Variants in PTPRD observed in about 807,000 individuals in gnomAD.
PTPRD encodes receptor-type tyrosine-protein phosphatase delta.
PTPRD carries 34 observed loss-of-function variants against 214.5 expected under a neutral mutation model. The observed-to-expected ratio is 0.16, with a 90% CI of 0.12 to 0.21. PTPRD has a LOEUF of 0.21. Ranked by LOEUF, PTPRD falls within the 10% of genes least tolerant of loss-of-function variation. PTPRD has a pLI of 1.00. For missense variants in PTPRD, 2,545 were observed against 2,398.7 expected (o/e 1.06, Z -1.27); for synonymous variants, 1,128 against 845.7 (o/e 1.33, Z -5.79).
intron 5 of PTPRD, among the ~76,000 whole-genome samples, chr9:9,791,292 G>A (rs1443731691): frequency 6.6e-6 from 1 of 152,012 alleles, no homozygotes; most frequent in East Asian, 1.9e-4. Context: ...TTTGTTAACT[G>A]CACACGTTTG....
At chr9:10,071,479 G>A (rs1041027764) in intron 3 of PTPRD, among the ~76,000 whole-genome samples, 1 of 151,958 alleles carries the variant, frequency 6.6e-6, no homozygotes, top group Non-Finnish European at 1.5e-5. Context: ...CACAAATATA[G>A]TCAACCCATC....
chr9:10,037,284 G>T (rs1052296370), intron 3 of PTPRD, among the ~76,000 whole-genome samples: 1 of 152,072 alleles, frequency 6.6e-6, no homozygotes, highest in African/African-American at 2.4e-5. Flanking sequence ...GGGCCTGGTG[G>T]GAGGTGATTG....
chr9:8,818,912 G>A (rs1046887125), intron 11 of PTPRD, among the ~76,000 whole-genome samples: 27 of 152,024 alleles, frequency 1.8e-4, no homozygotes, highest in African/African-American at 4.8e-4. Flanking sequence ...AGAGTTCCCC[G>A]GTAACATTTG....
At chr9:10,174,824 T>G (rs1257365251) in intron 3 of PTPRD, among the ~76,000 whole-genome samples, 2 of 152,090 alleles carry the variant, frequency 1.3e-5, no homozygotes, top group Non-Finnish European at 1.5e-5. Flanking sequence ...TAAATTAAAC[T>G]CTATGCTTAA....
intron 22 of PTPRD, among the ~76,000 whole-genome samples, chr9:8,505,121 C>T (rs1025156921): frequency 1.3e-5 from 2 of 152,136 alleles, no homozygotes. Context: ...TTTTGATATA[C>T]GATTTCGTTA....
At chr9:8,320,824 T>C (rs1347786932) in intron 44 of PTPRD, among the ~76,000 whole-genome samples, 2 of 152,130 alleles carry the variant, frequency 1.3e-5, no homozygotes, top group East Asian at 3.9e-4. Context: ...TTCATAGCTC[T>C]TGTGCACTTA....
chr9:9,196,411 C>T (rs2099938661), intron 9 of PTPRD, among the ~76,000 whole-genome samples: 1 of 152,088 alleles, frequency 6.6e-6, no homozygotes, highest in Admixed American at 6.6e-5. Context: ...GTATCTCTGC[C>T]ATGATATACC....
chr9:8,995,035 T>C (rs895698774), intron 11 of PTPRD, among the ~76,000 whole-genome samples: 1 of 151,906 alleles, frequency 6.6e-6, no homozygotes, highest in African/African-American at 2.4e-5. Flanking sequence ...AAAGGAAACA[T>C]AGGAGACATG....
rs559752349 is a variant in PTPRD, at chr9:10,357,901, G to A, written c.-599-16884C>T. Reference sequence around the variant, plus strand: ...TTAAAGAAAAAGAATTATATAAACAGAAATCAGATGGCTATTCCAAGCTAA... The same window carrying A: ...TTAAAGAAAAAGAATTATATAAACAAAAATCAGATGGCTATTCCAAGCTAA... On this transcript the variant is annotated intron_variant, in intron 2 of 45. Coordinates refer to ENST00000381196, the MANE Select transcript of PTPRD (RefSeq NM_002839.4). 3.3e-5 allele frequency among the ~76,000 whole-genome samples: 5 copies of A among 152,194 alleles called. 1 individual carries two copies. In the South Asian group the frequency reaches 8.3e-4, roughly 25 times the overall value.
chr9:10,150,968 T>C (rs1479726192), intron 3 of PTPRD, among the ~76,000 whole-genome samples: 1 of 151,940 alleles, frequency 6.6e-6, no homozygotes, highest in Non-Finnish European at 1.5e-5. Flanking sequence ...CACTCAGCCA[T>C]CAATACTGCA....
intron 4 of PTPRD, among the ~76,000 whole-genome samples, chr9:10,033,188 G>A (rs2097114488): frequency 6.6e-6 from 1 of 151,524 alleles, no homozygotes; most frequent in South Asian, 2.1e-4. Context: ...GAGAGAGTTG[G>A]CAAATGGGGA....
chr9:9,862,345 C>G (rs1043413535), intron 5 of PTPRD, among the ~76,000 whole-genome samples: 1 of 152,200 alleles, frequency 6.6e-6, no homozygotes, highest in Non-Finnish European at 1.5e-5. Context: ...AATGAAAGAT[C>G]TGCCCCATCT....
At chr9:9,900,733 T>A (rs1212886386) in intron 5 of PTPRD, among the ~76,000 whole-genome samples, 1 of 150,788 alleles carries the variant, frequency 6.6e-6, no homozygotes, top group Admixed American at 6.6e-5. Context: ...GCCTCCCAGC[T>A]TCAAGTGATT....
intron 8 of PTPRD, among the ~76,000 whole-genome samples, chr9:9,552,343 T>G (rs1017714584): frequency 6.6e-6 from 1 of 152,036 alleles, no homozygotes; most frequent in Admixed American, 6.6e-5. Context: ...TCGCAGTCAA[T>G]TGCCATTTTC....
At chr9:9,380,044 A>T (rs1330956895) in intron 9 of PTPRD, among the ~76,000 whole-genome samples, 1 of 151,972 alleles carries the variant, frequency 6.6e-6, no homozygotes, top group Non-Finnish European at 1.5e-5. Flanking sequence ...TAGGACTTCA[A>T]ATGTGGTGTT....
chr9:10,566,942 C>T (rs1312337772), intron 2 of PTPRD, among the ~76,000 whole-genome samples: 1 of 152,076 alleles, frequency 6.6e-6, no homozygotes, highest in African/African-American at 2.4e-5. Context: ...ACATGACTAC[C>T]TCTCACTCAA....
rs1334573856 is a variant in PTPRD, at chr9:10,060,824, CTTT to C, written c.-544-27037_-544-27035del. Among the ~76,000 whole-genome samples the C allele has an allele frequency of 9.0e-4, 113 of 125,640 alleles. 8 individuals carry two copies. Among genetic ancestry groups the C allele is most frequent in the South Asian group, 3.4e-3 (15 of 4,460 alleles). 82.4% of individuals were successfully genotyped at this position (125,640 alleles called of 152,430 possible). Reference sequence around the variant, plus strand: ...TCTTCCTTTCTTTCTTTCTTTCTTTCTTTCTTCCTTCCTTCCTTCCTTTCCTTT... The same window carrying C: ...TCTTCCTTTCTTTCTTTCTTTCTTTCCTTCCTTCCTTCCTTCCTTTCCTTT... On this transcript the variant is annotated intron_variant, in intron 3 of 45. Coordinates refer to ENST00000381196, the MANE Select transcript of PTPRD (RefSeq NM_002839.4).
intron 9 of PTPRD, among the ~76,000 whole-genome samples, chr9:9,328,488 C>T (rs1308414138): frequency 2.0e-5 from 3 of 151,814 alleles, no homozygotes; most frequent in Admixed American, 6.6e-5. Context: ...TGTTCAGATG[C>T]TTCAACCTGG....
intron 7 of PTPRD, among the ~76,000 whole-genome samples, chr9:9,710,966 G>A (rs1039004030): frequency 4.7e-5 from 7 of 149,598 alleles, no homozygotes; most frequent in African/African-American, 1.8e-4. Flanking sequence ...GCGAGCGAGC[G>A]AGAGAGAGCG....
Sources: gnomAD v4.1 joint callset for allele counts (sites outside exome capture counted in the v4.1 genomes callset) on GRCh38, gnomAD v4.1.1 for gene constraint, MANE v1.5 for transcripts, NCBI Gene and HGNC (gene_info 2026-07-23, HGNC 2026-07-21) for gene names.